ADCY10: variants seen among roughly 807,000 people sequenced by gnomAD.
ADCY10 encodes adenylate cyclase type 10.
ADCY10 carries 156 observed loss-of-function variants against 183.3 expected under a neutral mutation model. The ratio of observed to expected loss-of-function variants is 0.85; its 90% confidence interval spans 0.75 to 0.97. The LOEUF is 0.97. Ranked by LOEUF, ADCY10 falls within the 50% of genes least tolerant of loss-of-function variation. The probability of loss-of-function intolerance (pLI) is 0.00; values close to 1 mark genes in which losing one functional copy is unlikely to be tolerated. For missense variants in ADCY10, 1,745 were observed against 1,934.3 expected, an observed-to-expected ratio of 0.90 and a Z score of 1.84; for synonymous variants, 645 against 670.0, an observed-to-expected ratio of 0.96 and a Z score of 0.58.
chr1:167,886,299 A>G (rs1173182932), intron 8 of ADCY10, among the ~76,000 whole-genome samples: 1 of 152,176 alleles, frequency 6.6e-6, no homozygotes, highest in Non-Finnish European at 1.5e-5. Flanking sequence ...TTCAAACTAT[A>G]CTACAAGGCT....
chr1:167,824,773 GC>G lies in ADCY10; in HGVS notation c.3832del (p.Ala1278ProfsTer10). 1 of 1,614,222 alleles carries G rather than the reference GC, an allele frequency of 6.2e-7. No homozygotes were observed. The highest frequency in any genetic ancestry group is 8.5e-7 in the Non-Finnish European group (1 of 1,180,034). ...KGVWFKYEVM[A>X]MEHIFNLPLK... Reference sequence around the variant, plus strand: ...GGGGAGGTTGAAGATGTGCTCCATGGCCATGACTTCATATTTGAACCACACA... The same window carrying G: ...GGGGAGGTTGAAGATGTGCTCCATGGCATGACTTCATATTTGAACCACACA... On this transcript the variant is annotated frameshift_variant, in exon 27 of 33. Transcript: ENST00000367851. LOFTEE classifies it high-confidence loss of function.
At chr1:167,878,345 T>A in intron 12 of ADCY10, 101 bp downstream of exon 12, 1 of 1,382,514 alleles carries the variant, frequency 7.2e-7, no homozygotes, top group Non-Finnish European at 1.0e-6. Flanking sequence ...GATTTCAACT[T>A]TTTGAACTGG....
chr1:167,905,284 C>A, intron 1 of ADCY10, 86 bp from the exon 2 acceptor site: 3 of 1,023,940 alleles, frequency 2.9e-6, no homozygotes, highest in Non-Finnish European at 3.0e-6. Flanking sequence ...TTTGTTCTAA[C>A]CTGCGGCCTG....
chr1:167,844,124 T>C (rs1225736912), intron 21 of ADCY10, among the ~76,000 whole-genome samples: 2 of 152,212 alleles, frequency 1.3e-5, no homozygotes, highest in Admixed American at 1.3e-4. Flanking sequence ...TTACCAATTT[T>C]GTAAAAATAT....
In ADCY10 at chr1:167,863,634, C is replaced by T. The variant is rs192075951; in HGVS notation, c.1617-2571G>A. 3.7e-3 allele frequency among the ~76,000 whole-genome samples: 558 copies of T among 152,312 alleles called. 6 individuals are homozygous for T. Among genetic ancestry groups the T allele is most frequent in the Non-Finnish European group, 5.0e-3 (339 of 68,028 alleles). The stretch of plus-strand genomic sequence containing the variant: ...CAGATGGTCGAGGCAGCTCCTTAGG[C>T]GGCTTTAGCCTGCCCTGTGGAACAT... On this transcript the variant is annotated intron_variant, in intron 14 of 32. Transcript: ENST00000367851.
chr1:167,812,629 C>T lies in ADCY10; in HGVS notation c.4483-1716G>A, dbSNP rs1662290799. Among the ~76,000 whole-genome samples, 3 of 152,154 alleles carry T rather than the reference C, an allele frequency of 2.0e-5. No homozygotes were observed. The South Asian group carries it at 6.2e-4, about 32-fold the overall frequency. On this transcript the variant is annotated intron_variant, in intron 31 of 32. Transcript: ENST00000367851. Reference sequence around the variant, plus strand: ...AAAGGCATACCAAGAAACAGGAAAGCATGGCTCATCCCAAGGGGGAAAAAA... The same window carrying T: ...AAAGGCATACCAAGAAACAGGAAAGTATGGCTCATCCCAAGGGGGAAAAAA...
intron 12 of ADCY10, among the ~76,000 whole-genome samples, chr1:167,875,423 A>T (rs201928301): frequency 0.041 from 2,220 of 54,234 alleles, 24 homozygotes; most frequent in East Asian, 0.16. Context: ...ACATTGTTCA[A>T]TAAATGCTGT....
At chr1:167,822,465 A>G (rs1435525799) in intron 29 of ADCY10, among the ~76,000 whole-genome samples, 1 of 152,154 alleles carries the variant, frequency 6.6e-6, no homozygotes, top group Non-Finnish European at 1.5e-5. Context: ...TGTTGATGGC[A>G]ATGTCTGCAT....
chr1:167,870,638 C>CAAAAAA (rs58787930), intron 13 of ADCY10, among the ~76,000 whole-genome samples: 1 of 93,782 alleles, frequency 1.1e-5, no homozygotes, highest in Non-Finnish European at 2.0e-5. Context: ...ACTGAAAATA[C>CAAAAAA]AAAAAAAAAA....
chr1:167,860,753 C>T, intron 15 of ADCY10, 118 bp downstream of exon 15: 1 of 822,638 alleles, frequency 1.2e-6, no homozygotes, highest in Non-Finnish European at 2.1e-6. Flanking sequence ...GCCATTTACT[C>T]ACCATCTGGA....
Position 167,841,651 on chromosome 1 carries a change from C to A in ADCY10, c.3007+3912G>T, listed in dbSNP as rs143039312. Among the ~76,000 whole-genome samples, 13 of 152,058 alleles carry A rather than the reference C, an allele frequency of 8.5e-5. No individual in the cohort carries two copies. In the East Asian group the frequency reaches 2.5e-3, roughly 29 times the overall value. On this transcript the variant is annotated intron_variant, in intron 21 of 32. Coordinates refer to ENST00000367851, the MANE Select transcript of ADCY10 (RefSeq NM_018417.6). ...CTGGGACTACAGGCACAAGCCATCG[C>A]ACCTGGCTAATTCTTTTTTTAAGAG...
intron 19 of ADCY10, among the ~76,000 whole-genome samples, chr1:167,846,505 T>C (rs1372734093): frequency 6.6e-6 from 1 of 152,172 alleles, no homozygotes; most frequent in African/African-American, 2.4e-5. Context: ...CCTGACAAAA[T>C]TAAGATCTAT....
chr1:167,847,315 G>A (rs968582167), intron 19 of ADCY10, among the ~76,000 whole-genome samples: 1 of 152,170 alleles, frequency 6.6e-6, no homozygotes, highest in Non-Finnish European at 1.5e-5. Context: ...TCTAAACATT[G>A]AAAGTTGCTT....
chr1:167,883,106 C>T (rs990895352), intron 9 of ADCY10, among the ~76,000 whole-genome samples: 16 of 152,240 alleles, frequency 1.1e-4, no homozygotes, highest in African/African-American at 3.6e-4. Flanking sequence ...GGTGCGATCT[C>T]GGCTCACTGC....
At chr1:167,835,441 T>A (rs1217396450) in intron 23 of ADCY10, among the ~76,000 whole-genome samples, 1 of 152,232 alleles carries the variant, frequency 6.6e-6, no homozygotes, top group Non-Finnish European at 1.5e-5. Context: ...TCAAATCCCC[T>A]CATTTCTATG....
chr1:167,815,379 G>A (rs539047081), intron 31 of ADCY10, among the ~76,000 whole-genome samples: 2 of 152,162 alleles, frequency 1.3e-5, no homozygotes, highest in African/African-American at 4.8e-5. Context: ...ACCTCCAGGG[G>A]TTTTACTAGA....
In ADCY10 at chr1:167,848,407, T is replaced by C. The variant is rs750017724; in HGVS notation, c.2391A>G (p.Thr797=). 1 of 1,613,842 alleles carries C rather than the reference T, an allele frequency of 6.2e-7. No homozygotes were observed. The highest frequency in any genetic ancestry group is 1.3e-5 in the African/African-American group (1 of 74,934). ...DKESEEVCHL[T]SGVRLKNLSP... ...ACAGGTTTTTCAGTCTGACACCACT[T>C]GTGAGGTGACAGACTTCTTCACTTT... The change falls in exon 19 of 33, where the codon ACA becomes ACG. Residue 797 remains threonine (T), a synonymous_variant. Transcript: ENST00000367851.
Position 167,846,018 on chromosome 1 carries a change from G to A in ADCY10, c.2683C>T (p.Arg895Cys), listed in dbSNP as rs779053477. ...TCACTGGGCTTCAGAGACAAGGAAC[G>A]ATAGTGCACCTCAAATGAGGGATCA... ...QNDPSFEVHY[R>C]SLSLKPSEGM... The change falls in exon 20 of 33, where the codon CGT (arginine) becomes TGT (cysteine). Residue 895 changes from arginine to cysteine, a missense_variant. By Grantham distance (180) the Arg-to-Cys change is radical. Transcript: ENST00000367851. The A allele has an allele frequency of 6.8e-6, 11 of 1,614,206 alleles. No homozygotes were observed. Among genetic ancestry groups the A allele is most frequent in the Non-Finnish European group, 9.3e-6 (11 of 1,180,038 alleles).
Position 167,856,275 on chromosome 1 carries a change from T to A in ADCY10, c.2061A>T (p.Ile687=). ...NIPCAAARAV[I]KNRNTTYIVI... is the part of the protein sequence containing the mutation. ...CAATGTAGGTGGTGTTCCTGTTCTT[T>A]ATTACGGCCCTGGCAGCTGCACAGG... Residue 687 remains isoleucine, a synonymous_variant, in exon 17 of 33, where the codon ATA becomes ATT. Transcript: ENST00000367851. 1 of 1,613,904 alleles carries A rather than the reference T, an allele frequency of 6.2e-7. No homozygotes were observed. Among genetic ancestry groups the A allele is most frequent in the Non-Finnish European group, 8.5e-7 (1 of 1,179,882 alleles).
Sources: gnomAD v4.1 joint callset for allele counts (sites outside exome capture counted in the v4.1 genomes callset) on GRCh38, gnomAD v4.1.1 for gene constraint, MANE v1.5 for transcripts, NCBI Gene and HGNC (gene_info 2026-07-23, HGNC 2026-07-21) for gene names.